MPC1: variants seen among roughly 807,000 people sequenced by gnomAD.
The protein encoded by MPC1 is mitochondrial pyruvate carrier 1, also known as HSPC040 protein.
A neutral mutation model predicts 13.9 loss-of-function variants in MPC1; 6 were observed. The observed-to-expected ratio is 0.43, with a 90% confidence interval of 0.24 to 0.85. The LOEUF (loss-of-function observed/expected upper bound fraction) is 0.85, where lower values mean the gene tolerates loss of function less well. Ranked by LOEUF, MPC1 falls within the 40% of genes least tolerant of loss-of-function variation. The pLI is 0.24. For synonymous variants in MPC1, 47 were observed against 50.5 expected (o/e 0.93, Z 0.29); for missense variants, 115 against 143.3 (o/e 0.80, Z 1.01).
chr6:166,380,320 C>A (rs1350288545), intron 1 of MPC1, among the ~76,000 whole-genome samples: 2 of 152,158 alleles, frequency 1.3e-5, no homozygotes, highest in Non-Finnish European at 2.9e-5. Context: ...ATAAAGTCTG[C>A]TGGGATCAAC....
At chr6:166,366,761 A>G (rs372339752) in intron 3 of MPC1, 34 bp downstream of exon 3, 257 of 1,595,934 alleles carry the variant, frequency 1.6e-4, no homozygotes, top group Non-Finnish European at 2.0e-4. Context: ...ACTATGTTGA[A>G]AGTCCTCCCA....
chr6:166,380,011 C>G (rs1779708602), intron 1 of MPC1, among the ~76,000 whole-genome samples: 1 of 152,240 alleles, frequency 6.6e-6, no homozygotes, highest in South Asian at 2.1e-4. Context: ...GCAGACCTAG[C>G]ATGAATTCCC....
At chr6:166,373,997 T>G (rs1779481433) in intron 1 of MPC1, among the ~76,000 whole-genome samples, 1 of 152,038 alleles carries the variant, frequency 6.6e-6, no homozygotes, top group South Asian at 2.1e-4. Context: ...GTTGGCTTGT[T>G]TTTTTTTGAG....
chr6:166,379,210 T>A (rs891435381), intron 1 of MPC1, among the ~76,000 whole-genome samples: 1 of 152,148 alleles, frequency 6.6e-6, no homozygotes, highest in African/African-American at 2.4e-5. Context: ...TACATGTGGA[T>A]GGGCTGGGCA....
chr6:166,380,939 C>CAAAAAAAA (rs1175434820), intron 1 of MPC1, among the ~76,000 whole-genome samples: 1 of 47,712 alleles, frequency 2.1e-5, no homozygotes, highest in Non-Finnish European at 4.6e-5. Flanking sequence ...AACTCTGTCT[C>CAAAAAAAA]AAAAAAAAAA....
chr6:166,366,178 G>A, intron 3 of MPC1, 72 bp from the exon 4 acceptor site: 2 of 1,532,198 alleles, frequency 1.3e-6, no homozygotes, highest in Admixed American at 1.9e-5. Context: ...CCACAGAGAT[G>A]AACAGTTCCA....
chr6:166,374,239 T>G (rs1212548176), intron 1 of MPC1, among the ~76,000 whole-genome samples: 1 of 152,188 alleles, frequency 6.6e-6, no homozygotes, highest in East Asian at 1.9e-4. Context: ...GCGATCTGCC[T>G]GCCTTGGCCT....
At chr6:166,372,457 C>T (rs1175043296) in intron 1 of MPC1, among the ~76,000 whole-genome samples, 3 of 151,298 alleles carry the variant, frequency 2.0e-5, no homozygotes, top group Admixed American at 6.6e-5. Context: ...GTATAGATTA[C>T]ACATGTATGA....
intron 1 of MPC1, among the ~76,000 whole-genome samples, chr6:166,380,588 T>G (rs1379554517): frequency 6.6e-6 from 1 of 152,118 alleles, no homozygotes; most frequent in Non-Finnish European, 1.5e-5. Flanking sequence ...AATATAACAC[T>G]TAGAAAAGCA....
chr6:166,365,955 T>TA lies in MPC1; in HGVS notation c.305+18dup. On this transcript the variant is annotated intron_variant, in intron 4 of 4. Coordinates refer to ENST00000360961, the MANE Select transcript of MPC1 (RefSeq NM_016098.4). This position sits in a 1 kb window ranked among gnomAD's most constrained non-coding sequence, Gnocchi z 4.2. ...CTCAAATTCCTGAAAAGAAAGTAACTAAATTGAAATCTGCTTACTCGTGTT... is the reference window on the plus strand; with the variant it reads ...CTCAAATTCCTGAAAAGAAAGTAACTAAAATTGAAATCTGCTTACTCGTGTT... 2 of 1,602,920 alleles carry TA rather than the reference T, an allele frequency of 1.2e-6. No individual in the cohort carries two copies. The highest frequency in any genetic ancestry group is 1.7e-6 in the Non-Finnish European group (2 of 1,173,860).
At chr6:166,380,351 T>C (rs1478866888) in intron 1 of MPC1, among the ~76,000 whole-genome samples, 1 of 152,230 alleles carries the variant, frequency 6.6e-6, no homozygotes, top group East Asian at 1.9e-4. Flanking sequence ...TCCTGGACTG[T>C]AAGTCATTCT....
intron 1 of MPC1, chr6:166,370,451 T>G (rs1199931712): frequency 1.9e-6 from 1 of 513,868 alleles, no homozygotes; most frequent in East Asian, 3.3e-5. Context: ...CTTAGTTTTA[T>G]GGAAAATAAG....
rs373986178 is a variant in MPC1 at position 166,366,776 on chromosome 6, T to A, written c.172+19A>T. 1 of 1,611,338 alleles carries A rather than the reference T, an allele frequency of 6.2e-7. No individual in the cohort carries two copies. Among genetic ancestry groups the A allele is most frequent in the East Asian group, 2.2e-5 (1 of 44,858 alleles). On this transcript the variant is annotated intron_variant, in intron 3 of 4. Transcript: ENST00000360961. The stretch of plus-strand genomic sequence containing the variant: ...ACTATGTTGAAAGTCCTCCCAATTA[T>A]CCAAATCTGCATTCTTACCAAATGT...
intron 2 of MPC1, chr6:166,369,965 T>A (rs750784541): frequency 1.5e-6 from 1 of 652,050 alleles, no homozygotes. Flanking sequence ...CCACTGTGAC[T>A]GTTATCAATG....
intron 2 of MPC1, among the ~76,000 whole-genome samples, chr6:166,367,534 A>C (rs1322393656): frequency 6.6e-6 from 1 of 152,218 alleles, no homozygotes; most frequent in Non-Finnish European, 1.5e-5. Context: ...ATTAATATTA[A>C]AGAAATGAAC....
chr6:166,369,091 G>T, intron 2 of MPC1: 1 of 312,360 alleles, frequency 3.2e-6, no homozygotes, highest in Non-Finnish European at 4.7e-6. Flanking sequence ...GAGATTCCTG[G>T]CTAAGTGATG....
chr6:166,378,965 C>T (rs1779668335), intron 1 of MPC1, among the ~76,000 whole-genome samples: 1 of 152,348 alleles, frequency 6.6e-6, no homozygotes, highest in African/African-American at 2.4e-5. Flanking sequence ...CATTCAAACT[C>T]ATCACCTAGG....
In MPC1 at chr6:166,365,193, A is replaced by G; in HGVS notation, c.*236T>C. On this transcript the variant is annotated 3_prime_UTR_variant, in exon 5 of 5. Coordinates refer to ENST00000360961, the MANE Select transcript of MPC1 (RefSeq NM_016098.4). This position sits in a 1 kb window ranked among gnomAD's most constrained non-coding sequence, Gnocchi z 4.2. ...GCAGATAAAACCATCATCAGAAATTATTAAATTAATTGCATATTTTGAGCT... is the reference window on the plus strand; with the variant it reads ...GCAGATAAAACCATCATCAGAAATTGTTAAATTAATTGCATATTTTGAGCT... The G allele has an allele frequency of 2.6e-6, 1 of 378,976 alleles. No individual in the cohort carries two copies. The highest frequency in any genetic ancestry group is 4.7e-6 in the Non-Finnish European group (1 of 213,934). 23.5% of individuals were successfully genotyped at this position (378,976 alleles called of 1,614,324 possible). A position where few individuals can be genotyped will look rare whatever the true frequency, so the allele number is the denominator to read the frequency against.
chr6:166,379,149 A>G (rs1166636965), intron 1 of MPC1, among the ~76,000 whole-genome samples: 1 of 152,196 alleles, frequency 6.6e-6, no homozygotes, highest in Non-Finnish European at 1.5e-5. Context: ...GTCCTAAGTG[A>G]GAGCCTGTTT....
Sources: gnomAD v4.1 joint callset for allele counts (sites outside exome capture counted in the v4.1 genomes callset) on GRCh38, gnomAD v4.1.1 for gene constraint, Gnocchi (gnomAD v3.1) non-coding constraint, MANE v1.5 for transcripts, NCBI Gene and HGNC (gene_info 2026-07-23, HGNC 2026-07-21) for gene names.